CCDC91: variants seen among roughly 807,000 people sequenced by gnomAD.
CCDC91 encodes coiled-coil domain containing 91.
Under a neutral mutation model 63.2 loss-of-function variants are expected in CCDC91, and 48 were observed. The observed-to-expected ratio is 0.76, with a 90% CI of 0.60 to 0.97. The LOEUF (loss-of-function observed/expected upper bound fraction) is 0.97. Ranked by LOEUF, CCDC91 falls within the 50% of genes least tolerant of loss-of-function variation. The pLI is 0.00. For synonymous variants in CCDC91, 167 were observed against 165.8 expected (o/e 1.01, Z -0.06); for missense variants, 500 against 494.6 (o/e 1.01, Z -0.10).
Position 28,216,520 on chromosome 12 carries a change from T to C in CCDC91, c.-15+25879T>C, listed in dbSNP as rs114172350. On this transcript the variant is annotated intron_variant, in intron 1 of 12. Transcript: ENST00000536442. ...GTGTAATGAACTGGTGGACTTTGTC[T>C]ACTCTCCCGGAGGAAGGTAATCATA... 8.1e-3 allele frequency among the ~76,000 whole-genome samples: 1,235 copies of C among 152,128 alleles called. 19 individuals are homozygous for C. The highest frequency in any genetic ancestry group is 0.029 in the African/African-American group (1,187 of 41,520).
At chr12:28,345,924 C>T (rs1485595718) in intron 6 of CCDC91, among the ~76,000 whole-genome samples, 1 of 152,094 alleles carries the variant, frequency 6.6e-6, no homozygotes, top group Non-Finnish European at 1.5e-5. Context: ...TGAATTATAT[C>T]ACATATTATG....
At chr12:28,544,078 A>AGC (rs35278771) in intron 12 of CCDC91, among the ~76,000 whole-genome samples, 473 of 151,534 alleles carry the variant, frequency 3.1e-3, no homozygotes, top group Non-Finnish European at 5.3e-3. Flanking sequence ...ATATTTTTCA[A>AGC]ACAAAGCATG....
chr12:28,316,556 C>CTTTTTTTTTTTTTTTTTT (rs67889099), intron 6 of CCDC91, among the ~76,000 whole-genome samples: 2 of 28,484 alleles, frequency 7.0e-5, no homozygotes, highest in Non-Finnish European at 1.3e-4. Flanking sequence ...CAACTCACAC[C>CTTTTTTTTTTTTTTTTTT]TTTTTTTTTT....
intron 3 of CCDC91, among the ~76,000 whole-genome samples, chr12:28,265,734 A>G (rs548961670): frequency 7.2e-5 from 11 of 152,192 alleles, no homozygotes; most frequent in Admixed American, 4.6e-4. Flanking sequence ...TCTTCAGATT[A>G]ATCTGTAGTT....
rs1023208091 is a variant in CCDC91, at chr12:28,200,278, T to TTTTA, written c.-15+9657_-15+9660dup. On this transcript the variant is annotated intron_variant, in intron 1 of 12. Transcript: ENST00000536442. ...TGAGTGGTAGCTTTTCTATGTTTCTTTTTATTTATTTATTTATTTATTTTT... is the reference window on the plus strand; with the variant it reads ...TGAGTGGTAGCTTTTCTATGTTTCTTTTTATTTATTTATTTATTTATTTATTTTT... 3.9e-4 allele frequency among the ~76,000 whole-genome samples: 59 copies of TTTTA among 151,412 alleles called. 1 individual carries two copies. Among genetic ancestry groups the TTTTA allele is most frequent in the Admixed American group, 1.4e-3 (21 of 15,256 alleles).
intron 11 of CCDC91, among the ~76,000 whole-genome samples, chr12:28,474,396 C>CT (rs1181663363): frequency 2.6e-5 from 4 of 151,996 alleles, no homozygotes; most frequent in Non-Finnish European, 5.9e-5. Flanking sequence ...AAAATATTCT[C>CT]TTTTTTTCAA....
chr12:28,218,045 C>T (rs1199272745), intron 1 of CCDC91, among the ~76,000 whole-genome samples: 1 of 152,116 alleles, frequency 6.6e-6, no homozygotes, highest in East Asian at 1.9e-4. Context: ...TGACTCCTTG[C>T]TCTGTTCTCA....
intron 1 of CCDC91, among the ~76,000 whole-genome samples, chr12:28,223,422 T>C (rs1177192953): frequency 2.0e-5 from 3 of 152,166 alleles, no homozygotes; most frequent in African/African-American, 7.2e-5. Context: ...TGCTACATGC[T>C]AGCCTGACTG....
In CCDC91 at chr12:28,362,420, GT is replaced by G. The variant is rs1565858236; in HGVS notation, c.577-15del. On this transcript the variant is annotated splice_polypyrimidine_tract_variant and intron_variant, in intron 6 of 12. Coordinates refer to ENST00000536442, the MANE Select transcript of CCDC91 (RefSeq NM_018318.5). ...AACAGAAGAAAAACTCATGGTTTTA[GT>G]TTCTTTTTTCTTTCAGGAAAAACAT... 1 of 1,531,670 alleles carries G rather than the reference GT, an allele frequency of 6.5e-7. No individual in the cohort carries two copies. Among genetic ancestry groups the G allele is most frequent in the South Asian group, 1.2e-5 (1 of 80,730 alleles). The allele number at this position is 1,531,670 out of a possible 1,614,324, so 94.9% of individuals were successfully genotyped here.
At chr12:28,388,139 A>C (rs1945717084) in intron 7 of CCDC91, among the ~76,000 whole-genome samples, 1 of 152,048 alleles carries the variant, frequency 6.6e-6, no homozygotes, top group Admixed American at 6.6e-5. Context: ...GTGATGTTGA[A>C]CATTTTTTTC....
In CCDC91 at chr12:28,228,942, A is replaced by G. The variant is rs1944431024; in HGVS notation, c.-14-28260A>G. 2.0e-5 allele frequency among the ~76,000 whole-genome samples: 3 copies of G among 152,194 alleles called. No individual in the cohort carries two copies. The South Asian group carries it at 6.2e-4, about 31-fold the overall frequency. ...ATTATAACAATACATTATGTACATT[A>G]TAAAACACAGAGTATGGCACTTTTC... On this transcript the variant is annotated intron_variant, in intron 1 of 12. Coordinates refer to ENST00000536442, the MANE Select transcript of CCDC91 (RefSeq NM_018318.5).
chr12:28,388,337 A>T (rs1162243163), intron 7 of CCDC91, among the ~76,000 whole-genome samples: 1 of 152,166 alleles, frequency 6.6e-6, no homozygotes, highest in Non-Finnish European at 1.5e-5. Context: ...TTTGCTGATG[A>T]TATGATTGTA....
chr12:28,520,919 G>C lies in CCDC91; in HGVS notation c.1216-28144G>C, dbSNP rs545826678. ...TTATTTCTGAGTGCTCTGTTCTGTT[G>C]CATTGGTCTATATCTCTGTTTTGGT... On this transcript the variant is annotated intron_variant, in intron 12 of 12. Coordinates refer to ENST00000536442, the MANE Select transcript of CCDC91 (RefSeq NM_018318.5). 8.8e-5 allele frequency among the ~76,000 whole-genome samples: 13 copies of C among 148,194 alleles called. No individual in the cohort carries two copies. The South Asian group carries it at 1.3e-3, about 14-fold the overall frequency.
intron 1 of CCDC91, among the ~76,000 whole-genome samples, chr12:28,215,582 A>C (rs1395379632): frequency 6.6e-6 from 1 of 152,162 alleles, no homozygotes; most frequent in Non-Finnish European, 1.5e-5. Flanking sequence ...CTTACTTCAT[A>C]ATTTGCCTTT....
chr12:28,226,831 T>A (rs142738870), intron 1 of CCDC91, among the ~76,000 whole-genome samples: 12 of 152,306 alleles, frequency 7.9e-5, no homozygotes, highest in African/African-American at 2.9e-4. Context: ...TTCTTAAACT[T>A]TACTTGTTTT....
chr12:28,359,707 A>C (rs1269248174), intron 6 of CCDC91, among the ~76,000 whole-genome samples: 1 of 151,840 alleles, frequency 6.6e-6, no homozygotes, highest in Admixed American at 6.6e-5. Context: ...ATATATCCCC[A>C]GGGTAGGATA....
At chr12:28,527,887 A>C (rs1460835705) in intron 12 of CCDC91, among the ~76,000 whole-genome samples, 1 of 152,116 alleles carries the variant, frequency 6.6e-6, no homozygotes, top group African/African-American at 2.4e-5. Flanking sequence ...GGGGAAAGAC[A>C]GGAGTCACAG....
intron 1 of CCDC91, chr12:28,255,566 G>A (rs1331283578): frequency 6.6e-6 from 1 of 152,044 alleles, no homozygotes; most frequent in Non-Finnish European, 1.5e-5. Flanking sequence ...TGAAAGTCTG[G>A]TTTATATTTT....
chr12:28,536,041 A>AT (rs1942146109), intron 12 of CCDC91, among the ~76,000 whole-genome samples: 1 of 151,312 alleles, frequency 6.6e-6, no homozygotes. Flanking sequence ...AAAAAAAAAA[A>AT]AATATATATT....
Sources: allele counts gnomAD v4.1 joint callset (sites outside exome capture counted in the v4.1 genomes callset), GRCh38; gene constraint gnomAD v4.1.1; transcripts MANE v1.5; gene names NCBI Gene and HGNC (gene_info 2026-07-23, HGNC 2026-07-21).